Variants in PTPRD observed in about 807,000 individuals in gnomAD.
The protein encoded by PTPRD is receptor-type tyrosine-protein phosphatase delta.
A neutral mutation model predicts 214.5 loss-of-function variants in PTPRD; 34 were observed. That is an observed-to-expected ratio of 0.16 (90% CI 0.12 to 0.21). The LOEUF (loss-of-function observed/expected upper bound fraction) is 0.21. PTPRD is among the 10% of genes least tolerant of loss of function. The pLI, the probability that PTPRD is intolerant of heterozygous loss-of-function variation, is 1.00. For missense variants in PTPRD, 2,545 were observed against 2,398.7 expected (o/e 1.06, Z -1.27); for synonymous variants, 1,128 against 845.7 (o/e 1.33, Z -5.79).
At chr9:10,377,271 A>T (rs2097749823) in intron 2 of PTPRD, among the ~76,000 whole-genome samples, 1 of 152,014 alleles carries the variant, frequency 6.6e-6, no homozygotes, top group African/African-American at 2.4e-5. Context: ...TCCATTATGT[A>T]TAAGTACCAC....
At chr9:9,109,539 G>A (rs1317475479) in intron 10 of PTPRD, among the ~76,000 whole-genome samples, 1 of 152,064 alleles carries the variant, frequency 6.6e-6, no homozygotes, top group African/African-American at 2.4e-5. Context: ...AAGCATCAAC[G>A]AATAGTGGCC....
chr9:9,369,461 C>A (rs1174510865), intron 9 of PTPRD, among the ~76,000 whole-genome samples: 9 of 151,616 alleles, frequency 5.9e-5, no homozygotes, highest in African/African-American at 1.7e-4. Flanking sequence ...GGGTTGTTTG[C>A]TTTTTTTCTT....
intron 3 of PTPRD, among the ~76,000 whole-genome samples, chr9:10,035,000 T>C (rs1248430129): frequency 5.3e-5 from 8 of 152,176 alleles, no homozygotes; most frequent in Non-Finnish European, 7.4e-5. Context: ...AATTTTATTT[T>C]TGTCTTAAGG....
intron 11 of PTPRD, among the ~76,000 whole-genome samples, chr9:8,746,133 G>A (rs2092772428): frequency 1.3e-5 from 2 of 152,034 alleles, no homozygotes; most frequent in East Asian, 3.9e-4. Flanking sequence ...ATGTCAGCAA[G>A]GACATATGTT....
At chr9:10,281,502 G>A (rs1044595049) in intron 3 of PTPRD, among the ~76,000 whole-genome samples, 1 of 152,196 alleles carries the variant, frequency 6.6e-6, no homozygotes, top group Non-Finnish European at 1.5e-5. Context: ...GAAAGTGGCT[G>A]AGAAGAGAAT....
chr9:9,388,454 C>T (rs10122845), intron 9 of PTPRD, among the ~76,000 whole-genome samples: 76,880 of 151,888 alleles, frequency 0.51, 19,908 homozygotes, highest in Middle Eastern at 0.61. Flanking sequence ...TATCTAAATG[C>T]ATAGCATGCT....
chr9:8,445,963 T>C (rs1437638752), intron 34 of PTPRD, among the ~76,000 whole-genome samples: 2 of 152,174 alleles, frequency 1.3e-5, no homozygotes, highest in Non-Finnish European at 2.9e-5. Context: ...AGGTGCTCTG[T>C]ACAGATTCAA....
intron 11 of PTPRD, among the ~76,000 whole-genome samples, chr9:8,866,677 G>T (rs553579489): frequency 6.6e-6 from 1 of 152,150 alleles, no homozygotes; most frequent in East Asian, 1.9e-4. Context: ...TTCCAGCATT[G>T]TCTGGATAAA....
At chr9:10,578,975 A>G (rs2070668937) in intron 2 of PTPRD, among the ~76,000 whole-genome samples, 1 of 152,070 alleles carries the variant, frequency 6.6e-6, no homozygotes. Flanking sequence ...TTACGTAGGT[A>G]TACATGTGCC....
chr9:9,382,821 GA>G (rs2062740878), intron 9 of PTPRD, among the ~76,000 whole-genome samples: 1 of 151,956 alleles, frequency 6.6e-6, no homozygotes, highest in Non-Finnish European at 1.5e-5. Flanking sequence ...TCAAAGAATT[GA>G]AATGAGAATT....
chr9:9,775,812 C>T lies in PTPRD; in HGVS notation c.-367-8961G>A, dbSNP rs540670105. 3.9e-4 allele frequency among the ~76,000 whole-genome samples: 59 copies of T among 151,948 alleles called. No homozygotes were observed. The South Asian group carries it at 0.011, about 28-fold the overall frequency. On this transcript the variant is annotated intron_variant, in intron 5 of 45. Coordinates refer to ENST00000381196, the MANE Select transcript of PTPRD (RefSeq NM_002839.4). ...GAAAACAAACAAACAAAAAAATAGC[C>T]GGGCATGGTGGCGGACGCCTGCAGT... is the stretch of plus-strand genomic sequence containing the variant.
chr9:10,357,058 A>C (rs566368701), intron 2 of PTPRD, among the ~76,000 whole-genome samples: 45 of 152,324 alleles, frequency 3.0e-4, no homozygotes, highest in Non-Finnish European at 5.3e-4. Context: ...AATGATGTAA[A>C]TATACTACTA....
intron 9 of PTPRD, among the ~76,000 whole-genome samples, chr9:9,375,258 A>T (rs1038079590): frequency 6.6e-6 from 1 of 152,192 alleles, no homozygotes; most frequent in Admixed American, 6.6e-5. Flanking sequence ...GAATAAGTGA[A>T]TGAAATGTTG....
At chr9:9,433,543 G>C (rs1027038326) in intron 8 of PTPRD, among the ~76,000 whole-genome samples, 9 of 151,286 alleles carry the variant, frequency 5.9e-5, no homozygotes, top group Non-Finnish European at 8.9e-5. Flanking sequence ...TAAGTAAAAA[G>C]TGGAAAATTA....
chr9:9,748,614 C>T (rs1017567499), intron 6 of PTPRD, among the ~76,000 whole-genome samples: 1 of 152,162 alleles, frequency 6.6e-6, no homozygotes, highest in African/African-American at 2.4e-5. Flanking sequence ...GGAACTACAA[C>T]CAATTTCAAT....
At chr9:10,108,867 A>AG (rs5896371) in intron 3 of PTPRD, among the ~76,000 whole-genome samples, 86,400 of 148,254 alleles carry the variant, frequency 0.58, 26,009 homozygotes, top group Middle Eastern at 0.78. Flanking sequence ...GCACGTAAAG[A>AG]GGGTTTTTTT....
chr9:9,350,394 T>C (rs1210436081), intron 9 of PTPRD, among the ~76,000 whole-genome samples: 1 of 152,038 alleles, frequency 6.6e-6, no homozygotes, highest in Non-Finnish European at 1.5e-5. Context: ...TATTCTGATT[T>C]TCTCAATAGT....
intron 2 of PTPRD, among the ~76,000 whole-genome samples, chr9:10,523,194 C>T (rs1055114606): frequency 6.6e-6 from 1 of 151,888 alleles, no homozygotes; most frequent in African/African-American, 2.4e-5. Context: ...AAGTACATAT[C>T]GTGATGTTTT....
rs1383317832 is a variant in PTPRD at position 10,351,748 on chromosome 9, G to C, written c.-599-10731C>G. The stretch of plus-strand genomic sequence containing the variant: ...AAAAAAAAATGTAAACTTTTTCTCT[G>C]TTTCTTAATTTCCTAAGCTTTTTGA... On this transcript the variant is annotated intron_variant, in intron 2 of 45. Coordinates refer to ENST00000381196, the MANE Select transcript of PTPRD (RefSeq NM_002839.4). Among the ~76,000 whole-genome samples, 3 of 148,278 alleles carry C rather than the reference G, an allele frequency of 2.0e-5. No individual in the cohort carries two copies. In the South Asian group the frequency reaches 6.4e-4, roughly 32 times the overall value.
Sources: gnomAD v4.1 joint callset for allele counts (sites outside exome capture counted in the v4.1 genomes callset) on GRCh38, gnomAD v4.1.1 for gene constraint, MANE v1.5 for transcripts, NCBI Gene and HGNC (gene_info 2026-07-23, HGNC 2026-07-21) for gene names.